The following AATK variants were observed in gnomAD, a reference collection of about 807,000 sequenced individuals.
AATK encodes the protein lemur tail kinase 1.
AATK carries 91 observed loss-of-function variants against 114.3 expected under a neutral mutation model. The observed-to-expected ratio is 0.80, with a 90% CI of 0.67 to 0.95. The LOEUF (loss-of-function observed/expected upper bound fraction) is 0.95. Ranked by LOEUF, AATK falls within the 40% of genes least tolerant of loss-of-function variation. The probability of loss-of-function intolerance (pLI) is 0.00; values close to 1 mark genes in which losing one functional copy is unlikely to be tolerated. For missense variants in AATK, 2,176 were observed against 1,965.2 expected (o/e 1.11, Z -2.03); for synonymous variants, 1,075 against 916.5 (o/e 1.17, Z -3.12).
intron 7 of AATK, chr17:81,125,962 G>T (rs755905807): frequency 2.1e-6 from 1 of 479,914 alleles, no homozygotes; most frequent in Non-Finnish European, 4.3e-6. Context: ...ACAGCCGTGC[G>T]GCGTCTGGGG....
intron 10 of AATK, among the ~76,000 whole-genome samples, 151 bp from the exon 11 acceptor site, chr17:81,122,974 AG>A (rs1365385649): frequency 1.3e-5 from 2 of 152,144 alleles, no homozygotes; most frequent in African/African-American, 4.8e-5. Flanking sequence ...TGCCAAGGCA[AG>A]CCCAGCAGCG....
At chr17:81,138,714 C>T (rs573953411) in intron 1 of AATK, among the ~76,000 whole-genome samples, 15 of 151,610 alleles carry the variant, frequency 9.9e-5, no homozygotes, top group Non-Finnish European at 1.8e-4. Flanking sequence ...GATACCCACA[C>T]GCGCAAACCC....
intron 1 of AATK, among the ~76,000 whole-genome samples, chr17:81,144,578 C>T (rs920179269): frequency 6.6e-6 from 1 of 152,236 alleles, no homozygotes. Context: ...GAGCCGCCCA[C>T]CCACTCTCAG....
rs1598242498 is a variant in AATK, at chr17:81,166,090, G to A, written c.-98C>T. 6.4e-6 allele frequency: 5 copies of A among 777,066 alleles called. No homozygotes were observed. The highest frequency in any genetic ancestry group is 5.6e-5 in the South Asian group (1 of 17,770). The allele number at this position is 777,066 out of a possible 1,614,324, so 48.1% of individuals were successfully genotyped here. On this transcript the variant is annotated 5_prime_UTR_variant, in exon 1 of 14. Transcript: ENST00000326724. The stretch of plus-strand genomic sequence containing the variant: ...GCCGCATCACCCAGCGGCCGCCGCA[G>A]GTGCGGAGCGCGCCGGCCCCCGCGC...
chr17:81,165,253 C>T (rs915122407), intron 1 of AATK, among the ~76,000 whole-genome samples: 1 of 152,236 alleles, frequency 6.6e-6, no homozygotes. Context: ...AGCTGTCCAC[C>T]ACAGCCAGGA....
intron 1 of AATK, among the ~76,000 whole-genome samples, chr17:81,163,436 C>A (rs149243102): frequency 6.6e-6 from 1 of 152,224 alleles, no homozygotes; most frequent in Non-Finnish European, 1.5e-5. Flanking sequence ...TTTTCCTGGC[C>A]GCCATGCCCA....
chr17:81,134,263 A>C (rs2060978247), intron 2 of AATK, 105 bp downstream of exon 2: 21 of 1,471,972 alleles, frequency 1.4e-5, no homozygotes, highest in Non-Finnish European at 1.9e-5. Flanking sequence ...GCCACCCAGC[A>C]GCCACCTTGA....
chr17:81,127,541 G>A (rs368829366), intron 6 of AATK, 42 bp downstream of exon 6: 134 of 1,549,684 alleles, frequency 8.6e-5, no homozygotes, highest in South Asian at 5.3e-4. Flanking sequence ...GGAGGGCCCC[G>A]GCTCAGCAAA....
rs775101238 is a variant in AATK, at chr17:81,126,522, C to T, written c.660G>A (p.Ala220=). Residue 220 remains alanine (A), a synonymous_variant, in exon 7 of 14, where the codon GCG becomes GCA. Coordinates refer to ENST00000326724, the MANE Select transcript of AATK (RefSeq NM_001080395.3). The surrounding 1 kb of genome is among the most constrained non-coding windows in gnomAD (Gnocchi z 5.1). ...TCCGGGGGTCGGGAGCCATGGACTC[C>T]GCCACCCGGCAGCTCCGCAGGTAGC... ...LKGYLRSCRV[A]ESMAPDPRTL... is the part of the protein sequence containing the mutation. The T allele has an allele frequency of 3.3e-5, 51 of 1,548,492 alleles. No individual in the cohort carries two copies. The highest frequency in any genetic ancestry group is 4.1e-5 in the African/African-American group (3 of 73,048).
At chr17:81,132,703 G>A in intron 2 of AATK, 1 of 325,272 alleles carries the variant, frequency 3.1e-6, no homozygotes, top group Non-Finnish European at 6.4e-6. Context: ...CGTGCAATCA[G>A]GTAGCACAGG....
chr17:81,145,910 G>C (rs2061211823), intron 1 of AATK, among the ~76,000 whole-genome samples: 1 of 152,086 alleles, frequency 6.6e-6, no homozygotes, highest in South Asian at 2.1e-4. Flanking sequence ...AAACAAGACT[G>C]AGCGCGGTGG....
chr17:81,122,646 C>T lies in AATK; in HGVS notation c.1290G>A (p.Ala430=), dbSNP rs2060714506. 3 of 1,461,168 alleles carry T rather than the reference C, an allele frequency of 2.1e-6. No individual in the cohort carries two copies. In the East Asian group the frequency reaches 8.8e-5, roughly 43 times the overall value. The allele number at this position is 1,461,168 out of a possible 1,614,324, so 90.5% of individuals were successfully genotyped here. Residue 430 remains alanine (A), a synonymous_variant, in exon 11 of 14, where the codon GCG becomes GCA. Transcript: ENST00000326724. Reference sequence around the variant, plus strand: ...CCACGCCGCCCAGCATGGGCCCCGCCGCACCGGGCCCGGGCCCCACGCCGC... The same window carrying T: ...CCACGCCGCCCAGCATGGGCCCCGCTGCACCGGGCCCGGGCCCCACGCCGC... ...GGGGVGPGPG[A]AGPMLGGVVE... is the part of the protein sequence containing the mutation.
Position 81,122,826 on chromosome 17 carries a change from G to T in AATK, c.1113-3C>A. 1.3e-6 allele frequency: 2 copies of T among 1,523,088 alleles called. No individual in the cohort carries two copies. The highest frequency in any genetic ancestry group is 1.8e-6 in the Non-Finnish European group (2 of 1,131,228). 94.3% of individuals were successfully genotyped at this position (1,523,088 alleles called of 1,614,324 possible). On this transcript the variant is annotated splice_polypyrimidine_tract_variant and splice_region_variant and intron_variant, in intron 10 of 13. Coordinates refer to ENST00000326724, the MANE Select transcript of AATK (RefSeq NM_001080395.3). ...AGCAGAACTGCATCACCTCGTACCT[G>T]CGAGGAGGTCCCCCGGGGGCCACGT...
At chr17:81,156,933 G>GT (rs397724771) in intron 1 of AATK, among the ~76,000 whole-genome samples, 1 of 151,878 alleles carries the variant, frequency 6.6e-6, no homozygotes, top group Admixed American at 6.6e-5. Context: ...CCTGGGCGGG[G>GT]TACGGCAAGA....
rs369665667 is a variant in AATK, at chr17:81,130,831, G to A, written c.334+230C>T. Among the ~76,000 whole-genome samples, 86 of 152,118 alleles carry A rather than the reference G, an allele frequency of 5.7e-4. 1 individual carries two copies. Among genetic ancestry groups the A allele is most frequent in the East Asian group, 1.7e-3 (9 of 5,152 alleles). On this transcript the variant is annotated intron_variant, in intron 3 of 13. Coordinates refer to ENST00000326724, the MANE Select transcript of AATK (RefSeq NM_001080395.3). The stretch of plus-strand genomic sequence containing the variant: ...TCCTGGACCCTGCCAACCCCTGGCC[G>A]GCCCCCAGGCCCAGGAGAAAGAGGT...
At chr17:81,149,308 A>C in intron 1 of AATK, among the ~76,000 whole-genome samples, 1 of 151,118 alleles carries the variant, frequency 6.6e-6, no homozygotes, top group South Asian at 2.1e-4. Flanking sequence ...CACACCCAAC[A>C]CCTCCATCGG....
In AATK at chr17:81,120,203, G is replaced by C. The variant is rs1404179180; in HGVS notation, c.3733C>G (p.Gln1245Glu). 4 of 1,569,886 alleles carry C rather than the reference G, an allele frequency of 2.5e-6. No homozygotes were observed. The East Asian group carries it at 6.9e-5, about 27-fold the overall frequency. The change falls in exon 11 of 14, where the codon CAG (glutamine) becomes GAG (glutamate). Residue 1245 changes from glutamine to glutamate, a missense_variant and splice_region_variant. Around this residue, in one of 4 missense-constraint regions of AATK, gnomAD observed 1,701 missense variants for 1,394.7 expected, o/e 1.22. Transcript: ENST00000326724. ...FDDVTVYLFD[Q>E]ESPTRELGEP... ...GACCCCGGGTGGCGGCGGCCCACCTGGTCAAAGAGGTAGACGGTGACGTCG... is the reference window on the plus strand; with the variant it reads ...GACCCCGGGTGGCGGCGGCCCACCTCGTCAAAGAGGTAGACGGTGACGTCG...
intron 3 of AATK, among the ~76,000 whole-genome samples, chr17:81,130,516 G>C (rs969741633): frequency 5.3e-5 from 8 of 151,942 alleles, no homozygotes; most frequent in African/African-American, 1.9e-4. Context: ...GCCCCTCCTC[G>C]CAGCCTGAGT....
At chr17:81,140,706 G>C (rs1367547782) in intron 1 of AATK, among the ~76,000 whole-genome samples, 1 of 122,802 alleles carries the variant, frequency 8.1e-6, no homozygotes, top group African/African-American at 3.1e-5. Context: ...GAGCTGTGGG[G>C]CGGTGAGACC....
Sources: allele counts gnomAD v4.1 joint callset (sites outside exome capture counted in the v4.1 genomes callset), GRCh38; gene constraint gnomAD v4.1.1; regional missense constraint gnomAD v4.1.1; non-coding constraint Gnocchi (gnomAD v3.1); transcripts MANE v1.5; gene names NCBI Gene and HGNC (gene_info 2026-07-23, HGNC 2026-07-21).